CDK19: variants seen among roughly 807,000 people sequenced by gnomAD.
The protein encoded by CDK19 is cyclin-dependent kinase 19.
Under a neutral mutation model 68.3 loss-of-function variants are expected in CDK19, and 20 were observed. The observed-to-expected ratio is 0.29, with a 90% CI of 0.21 to 0.43. CDK19 has a LOEUF of 0.43. Among genes scored for constraint, CDK19 ranks in the 20% least tolerant of loss-of-function variants. The pLI is 1.00. For missense variants in CDK19, 339 were observed against 623.5 expected (o/e 0.54, Z 4.86); for synonymous variants, 221 against 222.8 (o/e 0.99, Z 0.07).
chr6:110,671,217 T>C (rs1271293349), intron 2 of CDK19, among the ~76,000 whole-genome samples: 1 of 151,996 alleles, frequency 6.6e-6, no homozygotes, highest in East Asian at 1.9e-4. Flanking sequence ...TCTGACGATA[T>C]GTAGGAAAGA....
rs1017712095 is a variant in CDK19 at position 110,697,648 on chromosome 6, T to TA, written c.205-27108dup. Among the ~76,000 whole-genome samples, 185 of 136,924 alleles carry TA rather than the reference T, an allele frequency of 1.4e-3. 1 individual carries two copies. Among genetic ancestry groups the TA allele is most frequent in the South Asian group, 3.0e-3 (13 of 4,280 alleles). 89.8% of individuals were successfully genotyped at this position (136,924 alleles called of 152,430 possible). ...ATACCGTCATCATTCTTCACAGAACTAAAAAAAAAAAGCAATCCTAAAATT... is the reference window on the plus strand; with the variant it reads ...ATACCGTCATCATTCTTCACAGAACTAAAAAAAAAAAAGCAATCCTAAAATT... On this transcript the variant is annotated intron_variant, in intron 2 of 12. Transcript: ENST00000368911.
At chr6:110,658,985 A>G (rs1214718330) in intron 4 of CDK19, among the ~76,000 whole-genome samples, 1 of 152,218 alleles carries the variant, frequency 6.6e-6, no homozygotes, top group East Asian at 1.9e-4. Context: ...AGTATTCCCC[A>G]TTTTACAGAT....
intron 9 of CDK19, 152 bp from the exon 10 acceptor site, chr6:110,623,064 T>G: frequency 1.5e-6 from 1 of 671,276 alleles, no homozygotes; most frequent in African/African-American, 1.8e-5. Flanking sequence ...TTATGTGAAA[T>G]TGGCAGAAAT....
intron 2 of CDK19, among the ~76,000 whole-genome samples, chr6:110,682,446 T>C (rs1264907234): frequency 6.6e-6 from 1 of 152,226 alleles, no homozygotes; most frequent in Non-Finnish European, 1.5e-5. Context: ...TATTTGAAAG[T>C]TGACACTTTC....
chr6:110,783,739 G>A (rs12189767), intron 1 of CDK19, among the ~76,000 whole-genome samples: 7,202 of 151,926 alleles, frequency 0.047, 180 homozygotes, highest in Middle Eastern at 0.072. Flanking sequence ...TTGCAACCTT[G>A]GATCAAGCAG....
chr6:110,652,088 C>A (rs1339442749), intron 4 of CDK19, among the ~76,000 whole-genome samples: 3 of 151,278 alleles, frequency 2.0e-5, no homozygotes, highest in African/African-American at 4.9e-5. Flanking sequence ...AAGAAACAAA[C>A]AAACAACAAC....
intron 1 of CDK19, among the ~76,000 whole-genome samples, chr6:110,763,311 G>T (rs1167332455): frequency 6.6e-6 from 1 of 151,276 alleles, no homozygotes; most frequent in Non-Finnish European, 1.5e-5. Flanking sequence ...ACCAAATATA[G>T]AATAATATAT....
chr6:110,804,100 C>CA (rs144101689), intron 1 of CDK19, among the ~76,000 whole-genome samples: 2,958 of 152,216 alleles, frequency 0.019, 101 homozygotes, highest in African/African-American at 0.068. Flanking sequence ...CAAATATCAG[C>CA]AAAACACTTT....
intron 1 of CDK19, among the ~76,000 whole-genome samples, chr6:110,761,106 G>T (rs1779199926): frequency 6.6e-6 from 1 of 152,086 alleles, no homozygotes; most frequent in African/African-American, 2.4e-5. Context: ...AGCAATCTGG[G>T]TTGGTGTTTT....
At chr6:110,664,710 G>A (rs184540601) in intron 4 of CDK19, among the ~76,000 whole-genome samples, 213 of 152,162 alleles carry the variant, frequency 1.4e-3, no homozygotes, top group Admixed American at 2.4e-3. Flanking sequence ...CACAGGCTAC[G>A]AGATGTTCTA....
At chr6:110,675,366 G>A (rs375280003) in intron 2 of CDK19, among the ~76,000 whole-genome samples, 2 of 152,124 alleles carry the variant, frequency 1.3e-5, no homozygotes, top group Non-Finnish European at 2.9e-5. Context: ...AGTGGCTCAC[G>A]CCTGTAATCC....
intron 1 of CDK19, among the ~76,000 whole-genome samples, chr6:110,797,893 G>C (rs868169867): frequency 6.6e-6 from 1 of 150,922 alleles, no homozygotes; most frequent in South Asian, 2.1e-4. Flanking sequence ...GCTGAGGCAG[G>C]AGAATCACTT....
chr6:110,621,434 T>C lies in CDK19; in HGVS notation c.1111-64A>G. On this transcript the variant is annotated intron_variant, in intron 11 of 12. Coordinates refer to ENST00000368911, the MANE Select transcript of CDK19 (RefSeq NM_015076.5). The surrounding 1 kb of genome is among the most constrained non-coding windows in gnomAD (Gnocchi z 5.4). ...ATTAACAGGAGCTTTCTTTAATTAT[T>C]TGATATGCACATGTGGCTGCTGACC... 3 of 1,496,518 alleles carry C rather than the reference T, an allele frequency of 2.0e-6. No individual in the cohort carries two copies. The highest frequency in any genetic ancestry group is 2.7e-5 in the South Asian group (2 of 74,228). 92.7% of individuals were successfully genotyped at this position (1,496,518 alleles called of 1,614,324 possible).
At chr6:110,771,785 C>T (rs1222400997) in intron 1 of CDK19, among the ~76,000 whole-genome samples, 4 of 152,154 alleles carry the variant, frequency 2.6e-5, no homozygotes, top group East Asian at 1.9e-4. Context: ...AAATTTCTTC[C>T]GCCAGATATC....
intron 1 of CDK19, among the ~76,000 whole-genome samples, chr6:110,747,013 T>C (rs951565766): frequency 6.6e-6 from 1 of 152,204 alleles, no homozygotes; most frequent in African/African-American, 2.4e-5. Flanking sequence ...AGGTCTCAGC[T>C]GAATGTCATA....
chr6:110,622,215 T>C, intron 10 of CDK19, 49 bp from the exon 11 acceptor site: 1 of 1,170,202 alleles, frequency 8.5e-7, no homozygotes, highest in Non-Finnish European at 1.3e-6. Flanking sequence ...AAATCTGTAA[T>C]ATCATTACCT....
chr6:110,777,199 T>A (rs1415971825), intron 1 of CDK19, among the ~76,000 whole-genome samples: 2 of 152,224 alleles, frequency 1.3e-5, no homozygotes, highest in African/African-American at 4.8e-5. Flanking sequence ...TGATGTTGTA[T>A]AAAATATGTA....
rs147215520 is a variant in CDK19, at chr6:110,654,152, G to A, written c.456+13282C>T. Among the ~76,000 whole-genome samples, 438 of 152,246 alleles carry A rather than the reference G, an allele frequency of 2.9e-3. 2 individuals are homozygous for A. Among genetic ancestry groups the A allele is most frequent in the African/African-American group, 9.6e-3 (400 of 41,542 alleles). ...CTTTTATTTAAATATTGTTAGTGGT[G>A]ACACAACTTTCCTCACATTTGATAC... On this transcript the variant is annotated intron_variant, in intron 4 of 12. Coordinates refer to ENST00000368911, the MANE Select transcript of CDK19 (RefSeq NM_015076.5).
chr6:110,796,477 AC>A (rs1357202512), intron 1 of CDK19, among the ~76,000 whole-genome samples: 2 of 150,502 alleles, frequency 1.3e-5, no homozygotes, highest in South Asian at 2.1e-4. Flanking sequence ...ACATGGTGAC[AC>A]CCCCATCTCT....
Sources: gnomAD v4.1 joint callset for allele counts (sites outside exome capture counted in the v4.1 genomes callset) on GRCh38, gnomAD v4.1.1 for gene constraint, Gnocchi (gnomAD v3.1) non-coding constraint, MANE v1.5 for transcripts, NCBI Gene and HGNC (gene_info 2026-07-23, HGNC 2026-07-21) for gene names.